Variants in ARB2A observed in about 807,000 individuals in gnomAD.
The protein encoded by ARB2A is ARB2 cotranscriptional regulator A.
chr5:93,894,785 G>T, the ARB2A span, among the ~76,000 whole-genome samples: 1 of 152,070 alleles, frequency 6.6e-6, no homozygotes, highest in Non-Finnish European at 1.5e-5. Flanking sequence ...GCAAATGGCC[G>T]TAAATGCACC....
At chr5:93,813,843 A>G in the ARB2A span, among the ~76,000 whole-genome samples, 1 of 152,210 alleles carries the variant, frequency 6.6e-6, no homozygotes, top group African/African-American at 2.4e-5. Flanking sequence ...AAATAAGCAA[A>G]CTAATTTCTA....
chr5:93,670,197 GCTT>G, the ARB2A span, among the ~76,000 whole-genome samples: 1 of 152,170 alleles, frequency 6.6e-6, no homozygotes, highest in Non-Finnish European at 1.5e-5. Context: ...TATTGAGCCA[GCTT>G]CTTAAGTGGT....
At chr5:94,033,489 A>C in the ARB2A span, among the ~76,000 whole-genome samples, 1 of 152,052 alleles carries the variant, frequency 6.6e-6, no homozygotes, top group Non-Finnish European at 1.5e-5. Flanking sequence ...CAGTGGTGTG[A>C]TCTCAGCTCA....
At chr5:93,993,585 G>C in the ARB2A span, among the ~76,000 whole-genome samples, 1 of 152,020 alleles carries the variant, frequency 6.6e-6, no homozygotes, top group African/African-American at 2.4e-5. Context: ...TGGGAGAGGT[G>C]TATCTCCAAA....
chr5:93,619,240 T>C, the ARB2A span: 1 of 152,246 alleles, frequency 6.6e-6, no homozygotes, highest in African/African-American at 2.4e-5. Flanking sequence ...GGTTTACTCA[T>C]TTTAAGCCAT....
the ARB2A span, among the ~76,000 whole-genome samples, chr5:93,866,685 T>G: frequency 5.3e-5 from 8 of 152,312 alleles, 1 homozygote; most frequent in South Asian, 1.7e-3. Flanking sequence ...CAGGACCAAC[T>G]GTAAGACTTC....
the ARB2A span, among the ~76,000 whole-genome samples, chr5:93,955,912 T>A: frequency 2.6e-5 from 4 of 152,020 alleles, no homozygotes; most frequent in Admixed American, 6.6e-5. Flanking sequence ...TAGAGACCAG[T>A]GGAAATGCCT....
the ARB2A span, among the ~76,000 whole-genome samples, chr5:93,823,338 C>G: frequency 6.6e-6 from 1 of 152,074 alleles, no homozygotes. Context: ...TACACATAAT[C>G]TTAACTCCAA....
chr5:93,798,424 G>A, the ARB2A span, among the ~76,000 whole-genome samples: 2 of 152,034 alleles, frequency 1.3e-5, no homozygotes, highest in Non-Finnish European at 2.9e-5. Flanking sequence ...TTCAGTCTGG[G>A]AGTGGGTGGG....
chr5:93,664,858 G>T, the ARB2A span, among the ~76,000 whole-genome samples: 4 of 151,730 alleles, frequency 2.6e-5, no homozygotes, highest in Non-Finnish European at 5.9e-5. Context: ...CCACAGTCTC[G>T]CTCTGTCACC....
At chr5:93,954,978 C>T in the ARB2A span, among the ~76,000 whole-genome samples, 1 of 152,068 alleles carries the variant, frequency 6.6e-6, no homozygotes, top group African/African-American at 2.4e-5. Context: ...TGTGCTCTCC[C>T]TCCCCCAAAT....
At chr5:94,053,057 A>G in the ARB2A span, 1 of 775,920 alleles carries the variant, frequency 1.3e-6, no homozygotes, top group African/African-American at 1.8e-5. Context: ...ACTGATAAAT[A>G]AATTTTGCAT....
chr5:93,781,974 G>A, the ARB2A span: 2 of 966,678 alleles, frequency 2.1e-6, no homozygotes, highest in Non-Finnish European at 2.5e-6. Flanking sequence ...TAAGAAAGGA[G>A]AAAGAAAAGG....
At chr5:93,888,782 G>GTGTTTAAAT in the ARB2A span, among the ~76,000 whole-genome samples, 1 of 151,726 alleles carries the variant, frequency 6.6e-6, no homozygotes, top group South Asian at 2.1e-4. Context: ...AAAATATCAT[G>GTGTTTAAAT]TGTTTAAATT....
At chr5:93,645,947 C>T in the ARB2A span, among the ~76,000 whole-genome samples, 1 of 152,126 alleles carries the variant, frequency 6.6e-6, no homozygotes, top group Non-Finnish European at 1.5e-5. Context: ...CATTAAAAGT[C>T]AGTTTTAGTA....
At chr5:93,959,766 ATATT>A in the ARB2A span, among the ~76,000 whole-genome samples, 1 of 152,186 alleles carries the variant, frequency 6.6e-6, no homozygotes, top group South Asian at 2.1e-4. Context: ...ATTGTACTTA[ATATT>A]TAGATTGTTA....
chr5:93,883,677 C>T, the ARB2A span, among the ~76,000 whole-genome samples: 1 of 151,484 alleles, frequency 6.6e-6, no homozygotes, highest in Non-Finnish European at 1.5e-5. Context: ...TCAGCTATAA[C>T]TTCTCCTCCC....
At chr5:93,990,476 CATA>C in the ARB2A span, among the ~76,000 whole-genome samples, 5 of 151,716 alleles carry the variant, frequency 3.3e-5, no homozygotes, top group African/African-American at 7.3e-5. Context: ...TTCTATTGAA[CATA>C]ATGATGTAGG....
chr5:93,814,730 T>C, the ARB2A span, among the ~76,000 whole-genome samples: 1 of 152,230 alleles, frequency 6.6e-6, no homozygotes, highest in Non-Finnish European at 1.5e-5. Flanking sequence ...AGTACTTGTA[T>C]GGAGTGGGTA....
Sources: gnomAD v4.1 joint callset for allele counts (sites outside exome capture counted in the v4.1 genomes callset) on GRCh38, gnomAD v4.1.1 for gene constraint, MANE v1.5 for transcripts, NCBI Gene and HGNC (gene_info 2026-07-23, HGNC 2026-07-21) for gene names.